ZPBP: variants seen among roughly 807,000 people sequenced by gnomAD.
ZPBP encodes the protein zona pellucida binding protein.
ZPBP carries 26 observed loss-of-function variants against 44.8 expected under a neutral mutation model. The observed-to-expected ratio is 0.58, with a 90% CI of 0.43 to 0.81. The LOEUF (loss-of-function observed/expected upper bound fraction) is 0.81, where lower values mean the gene tolerates loss of function less well. Among genes scored for constraint, ZPBP ranks in the 30% least tolerant of loss-of-function variants. The pLI is 0.00. For synonymous variants in ZPBP, 174 were observed against 153.2 expected (o/e 1.14, Z -1.00); for missense variants, 409 against 434.0 (o/e 0.94, Z 0.51).
intron 7 of ZPBP, among the ~76,000 whole-genome samples, chr7:49,958,554 A>T (rs1795707634): frequency 6.6e-6 from 1 of 152,172 alleles, no homozygotes; most frequent in African/African-American, 2.4e-5. Flanking sequence ...TTCTTTGGCC[A>T]TCATGAGATG....
chr7:49,879,636 A>G (rs1791586647), intron 2 of ZPBP, among the ~76,000 whole-genome samples: 1 of 152,104 alleles, frequency 6.6e-6, no homozygotes, highest in African/African-American at 2.4e-5. Flanking sequence ...CTCTGTCCCA[A>G]CCCCAACTGG....
chr7:49,919,461 T>C (rs1482704260), intron 1 of ZPBP: 1 of 152,208 alleles, frequency 6.6e-6, no homozygotes, highest in Non-Finnish European at 1.5e-5. Context: ...GATAAAATTA[T>C]GAAGTTACCA....
chr7:50,030,120 G>A (rs933712614), intron 5 of ZPBP, among the ~76,000 whole-genome samples: 61 of 152,168 alleles, frequency 4.0e-4, no homozygotes, highest in African/African-American at 1.3e-3. Context: ...CTCACAAAGT[G>A]CTGAACCTGA....
downstream of ZPBP, among the ~76,000 whole-genome samples, chr7:49,848,035 G>A (rs543927273): frequency 5.6e-4 from 85 of 152,320 alleles, no homozygotes; most frequent in African/African-American, 1.9e-3. Context: ...TGCTTCCACA[G>A]CAACATGGGT....
rs750381617 is a variant in ZPBP at position 50,018,340 on chromosome 7, T to C, written c.707-24A>G. ...AACTGAGAAAATATATTATATTTTA[T>C]CATGGGTATAATGTATTCTGTCACA... is the stretch of plus-strand genomic sequence containing the variant. On this transcript the variant is annotated intron_variant, in intron 5 of 7. Coordinates refer to ENST00000046087, the MANE Select transcript of ZPBP (RefSeq NM_007009.3). The C allele has an allele frequency of 4.0e-6, 6 of 1,496,796 alleles. No individual in the cohort carries two copies. The Admixed American group carries it at 8.4e-5, about 21-fold the overall frequency. 92.7% of individuals were successfully genotyped at this position (1,496,796 alleles called of 1,614,324 possible).
Position 49,924,910 on chromosome 7 carries a change from C to T in ZPBP, n.411+10841G>A, listed in dbSNP as rs114654392. On this transcript the variant is annotated intron_variant and non_coding_transcript_variant, in intron 1 of 2. Coordinates refer to the ZPBP transcript ENST00000465922. Reference sequence around the variant, plus strand: ...AAATCCCAGACCCACCAACAGGCACCGACCATAAACACTCCAAGAAAACCC... The same window carrying T: ...AAATCCCAGACCCACCAACAGGCACTGACCATAAACACTCCAAGAAAACCC... 2.7e-3 allele frequency among the ~76,000 whole-genome samples: 415 copies of T among 152,234 alleles called. 1 individual carries two copies. Among genetic ancestry groups the T allele is most frequent in the African/African-American group, 9.0e-3 (372 of 41,530 alleles).
downstream of ZPBP, among the ~76,000 whole-genome samples, chr7:49,937,105 GT>G (rs1231762261): frequency 1.3e-5 from 2 of 152,088 alleles, no homozygotes; most frequent in Admixed American, 1.3e-4. Context: ...ACTGTGAAAG[GT>G]GAAACTAGAA....
At chr7:50,046,211 C>T (rs1301408924) in intron 4 of ZPBP, among the ~76,000 whole-genome samples, 1 of 152,160 alleles carries the variant, frequency 6.6e-6, no homozygotes, top group Non-Finnish European at 1.5e-5. Flanking sequence ...AAAATCTAGG[C>T]AATGCCATTC....
At chr7:49,869,752 C>A (rs1000186590) in intron 2 of ZPBP, among the ~76,000 whole-genome samples, 1 of 152,106 alleles carries the variant, frequency 6.6e-6, no homozygotes, top group African/African-American at 2.4e-5. Context: ...TACACTATGA[C>A]CAGCAAACAT....
chr7:50,061,705 T>C (rs1021103441), intron 3 of ZPBP, among the ~76,000 whole-genome samples: 21 of 152,328 alleles, frequency 1.4e-4, no homozygotes, highest in African/African-American at 4.8e-4. Flanking sequence ...GCTCTCTTTC[T>C]AGCCTGATGC....
At chr7:50,065,120 T>A (rs2128836149) in intron 3 of ZPBP, among the ~76,000 whole-genome samples, 1 of 152,342 alleles carries the variant, frequency 6.6e-6, no homozygotes, top group African/African-American at 2.4e-5. Context: ...ATTTCTTTGA[T>A]ATTTGTGTCT....
chr7:49,987,813 G>A (rs2128785666), intron 6 of ZPBP, among the ~76,000 whole-genome samples: 1 of 150,456 alleles, frequency 6.6e-6, no homozygotes, highest in Middle Eastern at 3.4e-3. Flanking sequence ...TGATTTGAAG[G>A]ATAAGCACTT....
intron 2 of ZPBP, among the ~76,000 whole-genome samples, chr7:49,852,120 G>A (rs1282669984): frequency 6.6e-6 from 1 of 152,238 alleles, no homozygotes; most frequent in Non-Finnish European, 1.5e-5. Context: ...ACCTGTGTCT[G>A]CTTTCTGGAG....
chr7:49,979,924 CAT>C (rs1796710135), intron 7 of ZPBP, among the ~76,000 whole-genome samples: 1 of 109,298 alleles, frequency 9.1e-6, no homozygotes, highest in East Asian at 2.4e-4. Context: ...GGATATATAT[CAT>C]ATATTAGATA....
intron 6 of ZPBP, among the ~76,000 whole-genome samples, chr7:49,985,641 C>A (rs1797233519): frequency 2.5e-5 from 3 of 120,800 alleles, no homozygotes; most frequent in African/African-American, 6.1e-5. Context: ...ATACCCCATG[C>A]AAAAAAAAAA....
At chr7:49,990,975 C>T (rs1026108752) in intron 6 of ZPBP, among the ~76,000 whole-genome samples, 11 of 152,134 alleles carry the variant, frequency 7.2e-5, no homozygotes, top group Non-Finnish European at 1.5e-4. Context: ...CCAACTAGGG[C>T]TCAAATATCC....
At chr7:49,899,797 C>T (rs1792612790) in intron 2 of ZPBP, among the ~76,000 whole-genome samples, 1 of 151,864 alleles carries the variant, frequency 6.6e-6, no homozygotes, top group Admixed American at 6.6e-5. Flanking sequence ...ACATAGTTGA[C>T]CTGAAGAGTA....
intron 2 of ZPBP, among the ~76,000 whole-genome samples, chr7:49,852,725 C>T (rs539625671): frequency 2.0e-5 from 3 of 152,240 alleles, no homozygotes; most frequent in Admixed American, 6.5e-5. Context: ...TCAAAATCTG[C>T]GGGATTTAAG....
intron 4 of ZPBP, among the ~76,000 whole-genome samples, chr7:50,047,470 A>C (rs1800432662): frequency 6.6e-6 from 1 of 152,022 alleles, no homozygotes; most frequent in South Asian, 2.1e-4. Context: ...TACATATACA[A>C]TGTGGGGAAA....
Sources: allele counts gnomAD v4.1 joint callset (sites outside exome capture counted in the v4.1 genomes callset), GRCh38; gene constraint gnomAD v4.1.1; transcripts MANE v1.5; gene names NCBI Gene and HGNC (gene_info 2026-07-23, HGNC 2026-07-21).